The following ARHGAP44 variants were observed in gnomAD, a reference collection of about 807,000 sequenced individuals.
The protein encoded by ARHGAP44 is rho GTPase-activating protein 44.
A neutral mutation model predicts 106.8 loss-of-function variants in ARHGAP44; 43 were observed. The ratio of observed to expected loss-of-function variants is 0.40; its 90% confidence interval spans 0.32 to 0.52. The LOEUF (loss-of-function observed/expected upper bound fraction) is 0.52. Among genes scored for constraint, ARHGAP44 ranks in the 20% least tolerant of loss-of-function variants. The pLI is 0.48. For missense variants in ARHGAP44, 866 were observed against 1,050.5 expected (o/e 0.82, Z 2.43); for synonymous variants, 439 against 410.3 (o/e 1.07, Z -0.85).
In ARHGAP44 at chr17:12,847,730, C is replaced by T. The variant is rs1486442079; in HGVS notation, c.54-47210C>T. Among the ~76,000 whole-genome samples the T allele has an allele frequency of 2.6e-5, 4 of 151,756 alleles. No homozygotes were observed. In the East Asian group the frequency reaches 7.7e-4, roughly 29 times the overall value. ...GACGGGGTTTCACCGTGGTCTCGATCTTCTGACCTCGTGATCCGCCCGCCT... is the reference window on the plus strand; with the variant it reads ...GACGGGGTTTCACCGTGGTCTCGATTTTCTGACCTCGTGATCCGCCCGCCT... On this transcript the variant is annotated intron_variant, in intron 1 of 20. Transcript: ENST00000379672.
At chr17:12,922,003 A>G (rs904817829) in intron 6 of ARHGAP44, among the ~76,000 whole-genome samples, 1 of 152,172 alleles carries the variant, frequency 6.6e-6, no homozygotes, top group Admixed American at 6.5e-5. Context: ...GTCCACCTGA[A>G]TGATTTTTGC....
chr17:12,959,070 T>G, intron 16 of ARHGAP44, 173 bp downstream of exon 16: 1 of 772,832 alleles, frequency 1.3e-6, no homozygotes, highest in Non-Finnish European at 2.1e-6. Flanking sequence ...TTCTTTGGCT[T>G]GCCGCCCTTT....
At chr17:12,867,918 CCTACT>C (rs1411016169) in intron 1 of ARHGAP44, among the ~76,000 whole-genome samples, 1 of 152,182 alleles carries the variant, frequency 6.6e-6, no homozygotes, top group African/African-American at 2.4e-5. Flanking sequence ...GGCAATGCTT[CCTACT>C]CTATTCTACA....
At chr17:12,932,494 G>A (rs1419725194) in intron 7 of ARHGAP44, among the ~76,000 whole-genome samples, 1 of 152,088 alleles carries the variant, frequency 6.6e-6, no homozygotes, top group Admixed American at 6.6e-5. Flanking sequence ...TTGACTTTAT[G>A]TTGACATCTG....
At chr17:12,835,655 T>C (rs2035216976) in intron 1 of ARHGAP44, among the ~76,000 whole-genome samples, 1 of 152,240 alleles carries the variant, frequency 6.6e-6, no homozygotes, top group Non-Finnish European at 1.5e-5. Flanking sequence ...GAAAAACATA[T>C]GACATACAAT....
In ARHGAP44 at chr17:12,990,320, G is replaced by C; in HGVS notation, c.*149G>C. The C allele has an allele frequency of 9.5e-7, 1 of 1,054,528 alleles. No individual in the cohort carries two copies. Among genetic ancestry groups the C allele is most frequent in the Non-Finnish European group, 1.3e-6 (1 of 744,602 alleles). The allele number at this position is 1,054,528 out of a possible 1,614,324, so 65.3% of individuals were successfully genotyped here. On this transcript the variant is annotated 3_prime_UTR_variant, in exon 21 of 21. Transcript: ENST00000379672. ...AGGTTGGAATTTGGCAGAAAATTGT[G>C]ATCTCCAGTCCGTGTGGTGATGCTG...
At chr17:12,800,481 G>A (rs2034057147) in intron 1 of ARHGAP44, among the ~76,000 whole-genome samples, 1 of 152,158 alleles carries the variant, frequency 6.6e-6, no homozygotes, top group Non-Finnish European at 1.5e-5. Flanking sequence ...CAGTGGGCTC[G>A]GTTCCACACA....
At chr17:12,987,403 A>T in intron 20 of ARHGAP44, 1 of 393,792 alleles carries the variant, frequency 2.5e-6, no homozygotes, top group Non-Finnish European at 4.6e-6. Context: ...CCTTTCCCCC[A>T]CCTTCTCTTT....
At chr17:12,873,159 G>A (rs911251512) in intron 1 of ARHGAP44, among the ~76,000 whole-genome samples, 1 of 150,338 alleles carries the variant, frequency 6.7e-6, no homozygotes. Flanking sequence ...CCTCTCTCTT[G>A]TCCCCTAATT....
intron 4 of ARHGAP44, among the ~76,000 whole-genome samples, chr17:12,909,453 A>G (rs1334792843): frequency 6.6e-6 from 1 of 152,234 alleles, no homozygotes; most frequent in South Asian, 2.1e-4. Context: ...TTAAAATTAA[A>G]AAACAGAATC....
At chr17:12,966,845 T>G (rs2039403002) in intron 16 of ARHGAP44, among the ~76,000 whole-genome samples, 1 of 152,202 alleles carries the variant, frequency 6.6e-6, no homozygotes, top group Non-Finnish European at 1.5e-5. Flanking sequence ...GGATTCTTCC[T>G]GACCAGGAGT....
At chr17:12,854,958 C>CAA (rs1182512832) in intron 1 of ARHGAP44, among the ~76,000 whole-genome samples, 1,483 of 49,726 alleles carry the variant, frequency 0.03, 37 homozygotes, top group African/African-American at 0.064. Context: ...AACTCTGTCT[C>CAA]AAAAAAAAAA....
chr17:12,925,900 G>C (rs1306599296), intron 6 of ARHGAP44, among the ~76,000 whole-genome samples: 1 of 152,016 alleles, frequency 6.6e-6, no homozygotes. Context: ...ATGACTATCT[G>C]TACAAAATTT....
intron 1 of ARHGAP44, among the ~76,000 whole-genome samples, chr17:12,876,640 G>A (rs1451969415): frequency 3.9e-5 from 6 of 151,972 alleles, no homozygotes; most frequent in Non-Finnish European, 8.8e-5. Flanking sequence ...TGGGCTGGGC[G>A]TGGTGGCTCA....
At chr17:12,815,686 G>A (rs1213438822) in intron 1 of ARHGAP44, among the ~76,000 whole-genome samples, 4 of 152,176 alleles carry the variant, frequency 2.6e-5, no homozygotes, top group African/African-American at 4.8e-5. Context: ...CAAATTGGCC[G>A]TTGGGTGGTA....
chr17:12,931,835 T>A (rs1283979387), intron 7 of ARHGAP44, among the ~76,000 whole-genome samples: 1 of 109,618 alleles, frequency 9.1e-6, no homozygotes, highest in Admixed American at 1.0e-4. Flanking sequence ...TATTCCACAG[T>A]AGGGATACAC....
chr17:12,945,705 G>T (rs8080060), intron 10 of ARHGAP44, among the ~76,000 whole-genome samples: 86,654 of 152,054 alleles, frequency 0.57, 25,263 homozygotes, highest in African/African-American at 0.69. Context: ...CTGGAAATTC[G>T]AAAAGGAATG....
chr17:12,834,454 T>C (rs1034065755), intron 1 of ARHGAP44, among the ~76,000 whole-genome samples: 1 of 152,186 alleles, frequency 6.6e-6, no homozygotes, highest in African/African-American at 2.4e-5. Flanking sequence ...CAGTGAGCTA[T>C]GATGGCATCA....
chr17:12,858,153 G>A (rs2035967109), intron 1 of ARHGAP44, among the ~76,000 whole-genome samples: 1 of 152,188 alleles, frequency 6.6e-6, no homozygotes, highest in Non-Finnish European at 1.5e-5. Flanking sequence ...TAGTGTGTGG[G>A]CACAGAAATC....
Sources: gnomAD v4.1 joint callset for allele counts (sites outside exome capture counted in the v4.1 genomes callset) on GRCh38, gnomAD v4.1.1 for gene constraint, MANE v1.5 for transcripts, NCBI Gene and HGNC (gene_info 2026-07-23, HGNC 2026-07-21) for gene names.